SLC39A11: variants seen among roughly 807,000 people sequenced by gnomAD.
SLC39A11 encodes solute carrier family 39 member 11.
Under a neutral mutation model 36.1 loss-of-function variants are expected in SLC39A11, and 33 were observed. The ratio of observed to expected loss-of-function variants is 0.91; its 90% CI spans 0.69 to 1.22. The LOEUF (loss-of-function observed/expected upper bound fraction) is 1.22, where lower values mean the gene tolerates loss of function less well. Among genes scored for constraint, SLC39A11 ranks in the 50% most tolerant of loss-of-function variants. The pLI, the probability that SLC39A11 is intolerant of heterozygous loss-of-function variation, is 0.00. For missense variants in SLC39A11, 432 were observed against 430.3 expected, an observed-to-expected ratio of 1.00 and a Z score of -0.03; for synonymous variants, 166 against 170.3, an observed-to-expected ratio of 0.97 and a Z score of 0.20.
At chr17:72,801,364 G>A (rs766996209) in intron 6 of SLC39A11, among the ~76,000 whole-genome samples, 10 of 152,164 alleles carry the variant, frequency 6.6e-5, no homozygotes, top group Non-Finnish European at 1.5e-4. Context: ...GGGACTATAG[G>A]CATGTGCCAT....
intron 3 of SLC39A11, among the ~76,000 whole-genome samples, chr17:73,056,749 A>C (rs1055492719): frequency 6.6e-6 from 1 of 152,134 alleles, no homozygotes; most frequent in Non-Finnish European, 1.5e-5. Context: ...CCATGAATCT[A>C]TCCTCCTATC....
chr17:73,081,694 T>C (rs928715100), intron 3 of SLC39A11, among the ~76,000 whole-genome samples: 1 of 146,954 alleles, frequency 6.8e-6, no homozygotes, highest in Non-Finnish European at 1.5e-5. Flanking sequence ...TATATGTATA[T>C]ATGTATGTAT....
At position 73,004,873 on chromosome 17, in the gene SLC39A11, A is replaced by G. The variant is rs16977480; in HGVS notation, c.306+26683T>C. On this transcript the variant is annotated intron_variant, in intron 4 of 9. Coordinates refer to ENST00000255559, the MANE Select transcript of SLC39A11 (RefSeq NM_139177.4). Reference sequence around the variant, plus strand: ...GAAAGGGGCCATCGGCTCATGGAATACCCAAACAGTCCACGAGAGGCAGGA... The same window carrying G: ...GAAAGGGGCCATCGGCTCATGGAATGCCCAAACAGTCCACGAGAGGCAGGA... Among the ~76,000 whole-genome samples the G allele has an allele frequency of 9.8e-3, 1,495 of 152,284 alleles. 25 individuals carry two copies. The highest frequency in any genetic ancestry group is 0.034 in the African/African-American group (1,393 of 41,548).
chr17:72,730,619 T>C (rs2074176922), intron 7 of SLC39A11, among the ~76,000 whole-genome samples: 1 of 152,190 alleles, frequency 6.6e-6, no homozygotes. Flanking sequence ...CTCCATCCTA[T>C]ACCTCTCTCT....
intron 3 of SLC39A11, among the ~76,000 whole-genome samples, chr17:73,062,814 G>A (rs924465368): frequency 2.4e-4 from 36 of 152,180 alleles, no homozygotes; most frequent in Non-Finnish European, 3.5e-4. Flanking sequence ...CTCATAAGGA[G>A]ACCGTAACCT....
rs182502212 is a variant in SLC39A11, at chr17:72,859,725, G to T, written c.431-9921C>A. Among the ~76,000 whole-genome samples, 9 of 150,046 alleles carry T rather than the reference G, an allele frequency of 6.0e-5. No homozygotes were observed. The East Asian group carries it at 1.8e-3, about 31-fold the overall frequency. Reference sequence around the variant, plus strand: ...CACTGGAGACCAAGAAAACTTCATAGAAAGATAACTAAAATATTTATTATG... The same window carrying T: ...CACTGGAGACCAAGAAAACTTCATATAAAGATAACTAAAATATTTATTATG... On this transcript the variant is annotated intron_variant, in intron 5 of 9. Transcript: ENST00000255559.
At chr17:72,891,404 C>T (rs1469034069) in intron 5 of SLC39A11, among the ~76,000 whole-genome samples, 5 of 152,104 alleles carry the variant, frequency 3.3e-5, no homozygotes, top group Non-Finnish European at 7.4e-5. Context: ...CTTCTCTACC[C>T]TCTCAAAAAA....
chr17:72,900,109 AAAAG>A lies in SLC39A11; in HGVS notation c.430+47639_430+47642del, dbSNP rs1211478627. Among the ~76,000 whole-genome samples, 65 of 105,026 alleles carry A rather than the reference AAAAG, an allele frequency of 6.2e-4. 3 individuals carry two copies. The highest frequency in any genetic ancestry group is 4.2e-3 in the Middle Eastern group (1 of 236). 68.9% of individuals were successfully genotyped at this position (105,026 alleles called of 152,430 possible). On this transcript the variant is annotated intron_variant, in intron 5 of 9. Transcript: ENST00000255559. ...AAGAGAAAGAGAAAAGAAAGAAAGA[AAAAG>A]AAAGAAAGAAAAGAAAGAAAGAAAG...
rs2567548 is a variant in SLC39A11, at chr17:72,749,169, C to T, written c.602-12450G>A. Among the ~76,000 whole-genome samples the T allele has an allele frequency of 8.0e-3, 1,212 of 152,278 alleles. 24 individuals are homozygous for T. Among genetic ancestry groups the T allele is most frequent in the African/African-American group, 0.027 (1,131 of 41,554 alleles). On this transcript the variant is annotated intron_variant, in intron 6 of 9. Coordinates refer to ENST00000255559, the MANE Select transcript of SLC39A11 (RefSeq NM_139177.4). ...ACACAAAAACTCAAGATTCCCTCTGCTTTGCCCAGCAGGGAATTATCATGA... is the reference window on the plus strand; with the variant it reads ...ACACAAAAACTCAAGATTCCCTCTGTTTTGCCCAGCAGGGAATTATCATGA...
intron 7 of SLC39A11, among the ~76,000 whole-genome samples, chr17:72,686,485 G>C (rs1465627587): frequency 2.0e-5 from 3 of 152,182 alleles, no homozygotes; most frequent in Non-Finnish European, 4.4e-5. Context: ...TGATAGTAAA[G>C]ACAGGTGCAC....
intron 4 of SLC39A11, among the ~76,000 whole-genome samples, chr17:72,970,331 C>T (rs1384035181): frequency 5.3e-5 from 8 of 152,218 alleles, no homozygotes; most frequent in East Asian, 1.9e-4. Context: ...CACACCTTCA[C>T]GTTTGCAATA....
chr17:72,931,703 C>T (rs988754791), intron 5 of SLC39A11, among the ~76,000 whole-genome samples: 1 of 152,208 alleles, frequency 6.6e-6, no homozygotes, highest in South Asian at 2.1e-4. Flanking sequence ...TTTCACACTG[C>T]ACAACAAGCC....
chr17:72,815,945 G>A (rs118173821), intron 6 of SLC39A11, among the ~76,000 whole-genome samples: 1 of 152,296 alleles, frequency 6.6e-6, no homozygotes, highest in East Asian at 1.9e-4. Flanking sequence ...CCCTAAAAGT[G>A]TTTTGTTGTT....
intron 7 of SLC39A11, among the ~76,000 whole-genome samples, chr17:72,650,324 C>G (rs2069792546): frequency 6.6e-6 from 1 of 152,146 alleles, no homozygotes; most frequent in South Asian, 2.1e-4. Flanking sequence ...GAGGGAGAAG[C>G]AAAATGGGAT....
intron 6 of SLC39A11, among the ~76,000 whole-genome samples, chr17:72,786,522 C>A (rs567646164): frequency 1.3e-5 from 2 of 152,082 alleles, no homozygotes; most frequent in Non-Finnish European, 2.9e-5. Flanking sequence ...CCTTGCCATG[C>A]CCCCAAATGT....
chr17:72,743,807 C>T (rs904947034), intron 6 of SLC39A11, among the ~76,000 whole-genome samples: 3 of 152,216 alleles, frequency 2.0e-5, no homozygotes, highest in Non-Finnish European at 4.4e-5. Context: ...TGTCCCACCT[C>T]GAGTGCAAAT....
At chr17:73,056,849 CAAG>C (rs1277212991) in intron 3 of SLC39A11, among the ~76,000 whole-genome samples, 1 of 152,132 alleles carries the variant, frequency 6.6e-6, no homozygotes, top group African/African-American at 2.4e-5. Flanking sequence ...AGAACTTTAC[CAAG>C]AAGACTTACA....
At chr17:72,947,432 G>A (rs1397467667) in intron 5 of SLC39A11, 1 of 358,952 alleles carries the variant, frequency 2.8e-6, no homozygotes, top group Non-Finnish European at 5.2e-6. Flanking sequence ...AGGGACAAAT[G>A]CTGGTACTCT....
At chr17:72,845,636 C>T (rs1390536784) in intron 6 of SLC39A11, among the ~76,000 whole-genome samples, 1 of 152,202 alleles carries the variant, frequency 6.6e-6, no homozygotes, top group Non-Finnish European at 1.5e-5. Context: ...TGATGTTCAT[C>T]GACTATCTCA....
Sources: allele counts gnomAD v4.1 joint callset (sites outside exome capture counted in the v4.1 genomes callset), GRCh38; gene constraint gnomAD v4.1.1; transcripts MANE v1.5; gene names NCBI Gene and HGNC (gene_info 2026-07-23, HGNC 2026-07-21).